P2RY14: variants seen among roughly 807,000 people sequenced by gnomAD.
P2RY14 encodes the protein P2Y purinoceptor 14.
Under a neutral mutation model 0.9 loss-of-function variants are expected in P2RY14, and 2 were observed. The observed-to-expected ratio is 2.16, with a 90% CI of 0.88 to 6.79. The LOEUF (loss-of-function observed/expected upper bound fraction) is 6.79. P2RY14 is among the 30% of genes most tolerant of loss of function. P2RY14 has a pLI of 0.05. For missense variants in P2RY14, 378 were observed against 400.1 expected, an observed-to-expected ratio of 0.94 and a Z score of 0.47; for synonymous variants, 158 against 147.2, an observed-to-expected ratio of 1.07 and a Z score of -0.53.
chr3:151,248,456 A>G (rs767083084), intron 1 of P2RY14, among the ~76,000 whole-genome samples: 12 of 152,102 alleles, frequency 7.9e-5, no homozygotes, highest in Non-Finnish European at 1.6e-4. Flanking sequence ...TTCTTTCTTC[A>G]GTATATTCGT....
intron 1 of P2RY14, among the ~76,000 whole-genome samples, chr3:151,267,143 T>G (rs965834839): frequency 4.6e-5 from 7 of 152,206 alleles, no homozygotes; most frequent in African/African-American, 1.4e-4. Context: ...TTTGACTGTT[T>G]ACAGGAACTA....
chr3:151,240,564 CAA>C (rs1295184235), intron 1 of P2RY14, among the ~76,000 whole-genome samples: 1 of 152,194 alleles, frequency 6.6e-6, no homozygotes, highest in African/African-American at 2.4e-5. Flanking sequence ...AAAAACAAAA[CAA>C]AAGGTGTAGC....
chr3:151,214,439 C>A (rs1327649262), intron 2 of P2RY14, 99 bp from the exon 3 acceptor site: 8 of 796,782 alleles, frequency 1.0e-5, no homozygotes, highest in African/African-American at 3.4e-5. Context: ...GTCAAACCTA[C>A]CAAATTTTTG....
intron 1 of P2RY14, among the ~76,000 whole-genome samples, chr3:151,273,788 C>T (rs1315041375): frequency 2.0e-5 from 3 of 152,126 alleles, no homozygotes; most frequent in Non-Finnish European, 2.9e-5. Flanking sequence ...TAGAACAAGG[C>T]ATATACCATT....
intron 1 of P2RY14, among the ~76,000 whole-genome samples, chr3:151,264,248 G>A (rs917326434): frequency 6.6e-6 from 1 of 152,212 alleles, no homozygotes; most frequent in South Asian, 2.1e-4. Context: ...TACAGCTGCT[G>A]TAATTGATTT....
At chr3:151,232,338 A>G (rs770050679) in intron 1 of P2RY14, among the ~76,000 whole-genome samples, 3 of 152,148 alleles carry the variant, frequency 2.0e-5, no homozygotes, top group African/African-American at 4.8e-5. Context: ...TTTCTCTGCA[A>G]CCTTGCCAGC....
intron 1 of P2RY14, among the ~76,000 whole-genome samples, chr3:151,271,614 A>G (rs902770610): frequency 1.3e-5 from 2 of 152,246 alleles, no homozygotes; most frequent in South Asian, 2.1e-4. Context: ...ATGCTCATCA[A>G]CAGATTAAAA....
intron 1 of P2RY14, among the ~76,000 whole-genome samples, chr3:151,259,271 T>C (rs970906810): frequency 2.0e-5 from 3 of 152,220 alleles, no homozygotes; most frequent in Non-Finnish European, 4.4e-5. Flanking sequence ...CCTTCAGAAA[T>C]AGGCACTCCT....
chr3:151,260,600 C>G (rs1738680547), intron 1 of P2RY14, among the ~76,000 whole-genome samples: 1 of 152,092 alleles, frequency 6.6e-6, no homozygotes, highest in Non-Finnish European at 1.5e-5. Context: ...ATCCTCCTGC[C>G]ACAGTCTACC....
intron 1 of P2RY14, among the ~76,000 whole-genome samples, chr3:151,271,627 G>A (rs1347040439): frequency 6.6e-6 from 1 of 152,094 alleles, no homozygotes; most frequent in Admixed American, 6.6e-5. Context: ...GATTAAAATG[G>A]GTAAACAAAT....
intron 1 of P2RY14, among the ~76,000 whole-genome samples, chr3:151,251,900 C>A (rs2149453397): frequency 6.6e-6 from 1 of 152,270 alleles, no homozygotes; most frequent in South Asian, 2.1e-4. Context: ...TACATGGAAT[C>A]ACCTTAAAAA....
rs1358692490 is a variant in P2RY14, at chr3:151,218,825, C to T, written c.-25+710G>A. ...GAGGTTGCAGTGAGCCGAGATCCCA[C>T]CATTGCACTCCAGCCTGGGTGACAG... On this transcript the variant is annotated intron_variant, in intron 2 of 2. Coordinates refer to ENST00000309170, the MANE Select transcript of P2RY14 (RefSeq NM_014879.4). Among the ~76,000 whole-genome samples the T allele has an allele frequency of 4.4e-5, 6 of 135,624 alleles. No homozygotes were observed. In the East Asian group the frequency reaches 1.3e-3, roughly 29 times the overall value. 89.0% of individuals were successfully genotyped at this position (135,624 alleles called of 152,430 possible). A position where few individuals can be genotyped will look rare whatever the true frequency, so the allele number is the denominator to read the frequency against.
intron 1 of P2RY14, among the ~76,000 whole-genome samples, chr3:151,252,228 T>C (rs1287496810): frequency 6.6e-6 from 1 of 152,188 alleles, no homozygotes; most frequent in Non-Finnish European, 1.5e-5. Context: ...CAACTAATAA[T>C]TTATTAGTAA....
rs1742024275 is a variant in P2RY14 at position 151,277,221 on chromosome 3, T to TC, written c.-133+1065dup. Among the ~76,000 whole-genome samples, 3 of 151,950 alleles carry TC rather than the reference T, an allele frequency of 2.0e-5. No individual in the cohort carries two copies. In the South Asian group the frequency reaches 6.2e-4, roughly 31 times the overall value. On this transcript the variant is annotated intron_variant, in intron 1 of 2. Transcript: ENST00000309170. Reference sequence around the variant, plus strand: ...GCCTGGCCTCCTTGTTTTTTTTTTTTCCAGACATGACAATATAGAGTTCAT... The same window carrying TC: ...GCCTGGCCTCCTTGTTTTTTTTTTTTCCCAGACATGACAATATAGAGTTCAT...
intron 1 of P2RY14, among the ~76,000 whole-genome samples, chr3:151,225,755 C>G (rs1376921743): frequency 2.0e-5 from 3 of 152,104 alleles, no homozygotes; most frequent in East Asian, 3.9e-4. Flanking sequence ...CACCCCCTAT[C>G]TTTTTTCATT....
At chr3:151,271,777 A>G (rs930996738) in intron 1 of P2RY14, among the ~76,000 whole-genome samples, 1 of 152,186 alleles carries the variant, frequency 6.6e-6, no homozygotes, top group Non-Finnish European at 1.5e-5. Flanking sequence ...ACAAACGACT[A>G]TGTACCTTGT....
At chr3:151,241,157 G>A (rs1467781770) in intron 1 of P2RY14, among the ~76,000 whole-genome samples, 2 of 152,106 alleles carry the variant, frequency 1.3e-5, no homozygotes, top group East Asian at 3.8e-4. Context: ...ATCATTAGTG[G>A]TTTTCTCCTT....
At chr3:151,251,594 A>G (rs941223665) in intron 1 of P2RY14, among the ~76,000 whole-genome samples, 5 of 152,180 alleles carry the variant, frequency 3.3e-5, no homozygotes, top group Admixed American at 6.5e-5. Context: ...TGTTTAATTC[A>G]GTAGAGTGCT....
intron 1 of P2RY14, among the ~76,000 whole-genome samples, chr3:151,229,869 C>T (rs1009557387): frequency 1.3e-5 from 2 of 152,222 alleles, no homozygotes; most frequent in African/African-American, 4.8e-5. Flanking sequence ...GTGAAAGATG[C>T]ACTTTTATGC....
Sources: allele counts gnomAD v4.1 joint callset (sites outside exome capture counted in the v4.1 genomes callset), GRCh38; gene constraint gnomAD v4.1.1; transcripts MANE v1.5; gene names NCBI Gene and HGNC (gene_info 2026-07-23, HGNC 2026-07-21).